The following EBF1 variants were observed in gnomAD, a reference collection of about 807,000 sequenced individuals.
The protein encoded by EBF1 is EBF transcription factor 1.
A neutral mutation model predicts 68.4 loss-of-function variants in EBF1; 10 were observed. The observed-to-expected ratio is 0.15, with a 90% CI of 0.09 to 0.25. The LOEUF is 0.25. Ranked by LOEUF, EBF1 falls within the 10% of genes least tolerant of loss-of-function variation. The pLI is 1.00. For synonymous variants in EBF1, 298 were observed against 299.8 expected, an observed-to-expected ratio of 0.99 and a Z score of 0.06; for missense variants, 509 against 794.4, an observed-to-expected ratio of 0.64 and a Z score of 4.32.
chr5:158,877,244 T>C (rs761272618), intron 6 of EBF1, among the ~76,000 whole-genome samples: 2 of 152,194 alleles, frequency 1.3e-5, no homozygotes, highest in Non-Finnish European at 2.9e-5. Context: ...CTATTCTTTT[T>C]GTATCCTCTA....
chr5:159,045,715 G>A (rs1304972759), intron 6 of EBF1, among the ~76,000 whole-genome samples: 1 of 152,166 alleles, frequency 6.6e-6, no homozygotes, highest in Non-Finnish European at 1.5e-5. Context: ...GTCCAAAGCT[G>A]TTTGGCTAAA....
chr5:158,770,997 C>T (rs183555512), intron 10 of EBF1, among the ~76,000 whole-genome samples: 4 of 152,114 alleles, frequency 2.6e-5, no homozygotes, highest in Non-Finnish European at 4.4e-5. Flanking sequence ...AGAACATTGC[C>T]TAGAATAAGA....
At chr5:158,819,608 A>G (rs1784422861) in intron 8 of EBF1, among the ~76,000 whole-genome samples, 1 of 152,224 alleles carries the variant, frequency 6.6e-6, no homozygotes, top group South Asian at 2.1e-4. Context: ...ACTGGAAGAC[A>G]AGGCAAGTAC....
intron 10 of EBF1, among the ~76,000 whole-genome samples, chr5:158,759,104 G>A (rs1329162889): frequency 6.6e-6 from 1 of 152,184 alleles, no homozygotes; most frequent in Non-Finnish European, 1.5e-5. Flanking sequence ...TCCATTAAAT[G>A]TACCATACAT....
chr5:159,063,895 C>T (rs1262248877), intron 6 of EBF1, among the ~76,000 whole-genome samples: 4 of 152,120 alleles, frequency 2.6e-5, no homozygotes, highest in Non-Finnish European at 5.9e-5. Flanking sequence ...AGTGACTTTT[C>T]CCATTTTGAA....
At chr5:158,982,497 C>T (rs66676945) in intron 6 of EBF1, among the ~76,000 whole-genome samples, 24,477 of 152,180 alleles carry the variant, frequency 0.16, 2,045 homozygotes, top group Admixed American at 0.19. Context: ...ACTTTTTAGT[C>T]TGCCTTACTT....
At chr5:158,826,323 C>A (rs1170508160) in intron 7 of EBF1, among the ~76,000 whole-genome samples, 1 of 152,184 alleles carries the variant, frequency 6.6e-6, no homozygotes, top group African/African-American at 2.4e-5. Flanking sequence ...AAGCCAAATG[C>A]CTGGCTATTT....
chr5:158,766,854 G>A (rs1299781970), intron 10 of EBF1, among the ~76,000 whole-genome samples: 1 of 152,030 alleles, frequency 6.6e-6, no homozygotes, highest in African/African-American at 2.4e-5. Context: ...TAAAAATATA[G>A]GAGTATTTTT....
At chr5:158,709,326 TA>T (rs1190988867) in intron 14 of EBF1, among the ~76,000 whole-genome samples, 2 of 138,010 alleles carry the variant, frequency 1.4e-5, no homozygotes, top group Non-Finnish European at 3.0e-5. Context: ...CTATCACATA[TA>T]TTTTTTTTTT....
At chr5:158,802,978 A>G (rs1780886883) in intron 8 of EBF1, among the ~76,000 whole-genome samples, 1 of 152,148 alleles carries the variant, frequency 6.6e-6, no homozygotes, top group African/African-American at 2.4e-5. Context: ...GCTGCTTGCT[A>G]ACATATCCAA....
chr5:159,034,053 C>CTGAA (rs1769503930), intron 6 of EBF1, among the ~76,000 whole-genome samples: 1 of 152,122 alleles, frequency 6.6e-6, no homozygotes, highest in Non-Finnish European at 1.5e-5. Context: ...CATTGGCATC[C>CTGAA]ATACATTGAG....
chr5:158,785,500 G>C (rs943566755), intron 9 of EBF1, among the ~76,000 whole-genome samples: 2 of 152,132 alleles, frequency 1.3e-5, no homozygotes, highest in Non-Finnish European at 2.9e-5. Context: ...AGAGTTCTCT[G>C]GGTTTCATAA....
intron 6 of EBF1, among the ~76,000 whole-genome samples, chr5:158,981,362 A>C (rs1757866706): frequency 6.6e-6 from 1 of 152,186 alleles, no homozygotes. Flanking sequence ...CAACATTTTA[A>C]GGTGCTTTTT....
At chr5:158,909,316 A>G (rs1255439552) in intron 6 of EBF1, among the ~76,000 whole-genome samples, 1 of 151,866 alleles carries the variant, frequency 6.6e-6, no homozygotes, top group Non-Finnish European at 1.5e-5. Context: ...GGTTTTTTGG[A>G]GAGGGGTTCT....
At chr5:158,826,762 C>T (rs1392545455) in intron 7 of EBF1, among the ~76,000 whole-genome samples, 1 of 151,908 alleles carries the variant, frequency 6.6e-6, no homozygotes, top group Non-Finnish European at 1.5e-5. Context: ...ACGAGAAGGG[C>T]AAAAAAGAAG....
At chr5:158,969,882 AAG>A (rs1491488332) in intron 6 of EBF1, among the ~76,000 whole-genome samples, 1 of 104,658 alleles carries the variant, frequency 9.6e-6, no homozygotes, top group Non-Finnish European at 2.1e-5. Flanking sequence ...GAAAGAAAGA[AAG>A]AAAGAAAGAA....
intron 6 of EBF1, among the ~76,000 whole-genome samples, chr5:158,877,873 G>A (rs893279643): frequency 7.2e-5 from 11 of 151,782 alleles, no homozygotes; most frequent in Admixed American, 1.3e-4. Flanking sequence ...ATTTCCGGTC[G>A]CCATATATTG....
chr5:158,790,567 C>T lies in EBF1; in HGVS notation c.909+5778G>A, dbSNP rs547267610. Reference sequence around the variant, plus strand: ...GCTGAATACTGCATCTAAGTATTTGCGGTGCATGCTAGTACCTCAAACGTT... The same window carrying T: ...GCTGAATACTGCATCTAAGTATTTGTGGTGCATGCTAGTACCTCAAACGTT... On this transcript the variant is annotated intron_variant, in intron 9 of 15. Coordinates refer to ENST00000313708, the MANE Select transcript of EBF1 (RefSeq NM_024007.5). 1.4e-4 allele frequency among the ~76,000 whole-genome samples: 22 copies of T among 152,190 alleles called. 1 individual carries two copies. The highest frequency in any genetic ancestry group is 4.1e-4 in the African/African-American group (17 of 41,522).
chr5:159,012,134 T>C (rs989144465), intron 6 of EBF1, among the ~76,000 whole-genome samples: 2 of 151,686 alleles, frequency 1.3e-5, no homozygotes, highest in African/African-American at 4.8e-5. Context: ...TAAAAATACA[T>C]AAATTAGCTG....
Sources: allele counts gnomAD v4.1 joint callset (sites outside exome capture counted in the v4.1 genomes callset), GRCh38; gene constraint gnomAD v4.1.1; transcripts MANE v1.5; gene names NCBI Gene and HGNC (gene_info 2026-07-23, HGNC 2026-07-21).